The following WDPCP variants were observed in gnomAD, a reference collection of about 807,000 sequenced individuals.
WDPCP encodes WD repeat containing planar cell polarity effector, also known as WD repeat-containing and planar cell polarity effector protein fritz homolog.
WDPCP carries 71 observed loss-of-function variants against 93.1 expected under a neutral mutation model. The observed-to-expected ratio is 0.76, with a 90% CI of 0.63 to 0.93. The LOEUF is 0.93. Ranked by LOEUF, WDPCP falls within the 40% of genes least tolerant of loss-of-function variation. The pLI is 0.00. For missense variants in WDPCP, 844 were observed against 887.4 expected (o/e 0.95, Z 0.62); for synonymous variants, 315 against 315.0 (o/e 1.00, Z 0.00).
intron 10 of WDPCP, among the ~76,000 whole-genome samples, chr2:63,395,500 C>A (rs939546185): frequency 4.6e-5 from 7 of 152,132 alleles, no homozygotes; most frequent in African/African-American, 1.7e-4. Context: ...CTTTGTTTTA[C>A]AGCCATTTCA....
intron 13 of WDPCP, among the ~76,000 whole-genome samples, chr2:63,299,272 C>T (rs781069632): frequency 3.3e-5 from 5 of 152,180 alleles, no homozygotes; most frequent in Non-Finnish European, 5.9e-5. Flanking sequence ...ACAGCTCAGC[C>T]CATTGGCTAC....
chr2:63,678,998 T>C (rs1462729297), intron 2 of WDPCP, among the ~76,000 whole-genome samples: 2 of 152,208 alleles, frequency 1.3e-5, no homozygotes, highest in African/African-American at 4.8e-5. Flanking sequence ...CATTCTAGGA[T>C]TTATTTTTGA....
intron 1 of WDPCP, among the ~76,000 whole-genome samples, chr2:63,545,145 G>T (rs530280184): frequency 6.6e-6 from 1 of 152,080 alleles, no homozygotes; most frequent in Non-Finnish European, 1.5e-5. Context: ...GCAGCAGGGT[G>T]CCACGGCCAT....
At chr2:63,135,295 G>T (rs977134412) in intron 17 of WDPCP, among the ~76,000 whole-genome samples, 3 of 152,138 alleles carry the variant, frequency 2.0e-5, no homozygotes, top group Non-Finnish European at 2.9e-5. Context: ...ACATATTTTT[G>T]TTTTCACAAA....
intron 14 of WDPCP, among the ~76,000 whole-genome samples, chr2:63,244,547 C>A (rs1428973423): frequency 6.6e-6 from 1 of 151,960 alleles, no homozygotes; most frequent in African/African-American, 2.4e-5. Flanking sequence ...ACAACTGATC[C>A]CATAAAAATA....
At chr2:63,309,326 T>G (rs1685995319) in intron 13 of WDPCP, among the ~76,000 whole-genome samples, 1 of 152,164 alleles carries the variant, frequency 6.6e-6, no homozygotes, top group Non-Finnish European at 1.5e-5. Context: ...TAATTAACAT[T>G]TATGTACCTA....
At chr2:63,618,743 T>TGC (rs1255070709) in intron 3 of WDPCP, among the ~76,000 whole-genome samples, 1 of 149,664 alleles carries the variant, frequency 6.7e-6, no homozygotes, top group Non-Finnish European at 1.5e-5. Context: ...CAGGCTGGAG[T>TGC]GCAATGGCGC....
chr2:63,717,153 C>T (rs750824331), intron 2 of WDPCP: 2 of 397,628 alleles, frequency 5.0e-6, no homozygotes, highest in Non-Finnish European at 9.7e-6. Flanking sequence ...CCACCTGACT[C>T]TTGGAAATGA....
intron 17 of WDPCP, among the ~76,000 whole-genome samples, chr2:63,141,743 A>G (rs902902673): frequency 6.6e-6 from 1 of 152,240 alleles, no homozygotes; most frequent in African/African-American, 2.4e-5. Flanking sequence ...TCTCCTGTGA[A>G]TCCATCTGGC....
intron 12 of WDPCP, among the ~76,000 whole-genome samples, chr2:63,324,498 C>CAAG (rs2104215139): frequency 6.6e-6 from 1 of 152,278 alleles, no homozygotes; most frequent in East Asian, 1.9e-4. Flanking sequence ...TAAAGCAGAT[C>CAAG]AAGGCAGACC....
intron 2 of WDPCP, among the ~76,000 whole-genome samples, chr2:63,801,720 G>C (rs1463971013): frequency 1.3e-5 from 2 of 152,160 alleles, no homozygotes; most frequent in African/African-American, 4.8e-5. Flanking sequence ...GAAAGTTCCT[G>C]ATTGGTGCGT....
chr2:63,200,500 T>C (rs878868984), intron 14 of WDPCP, among the ~76,000 whole-genome samples: 1 of 152,200 alleles, frequency 6.6e-6, no homozygotes, highest in East Asian at 1.9e-4. Flanking sequence ...AATGGTATAC[T>C]ATTCAGCCAT....
At chr2:63,169,686 A>G (rs981055127) in intron 15 of WDPCP, among the ~76,000 whole-genome samples, 4 of 152,144 alleles carry the variant, frequency 2.6e-5, no homozygotes, top group Admixed American at 6.5e-5. Context: ...AAGGAATCCA[A>G]TTATACAAAC....
intron 13 of WDPCP, among the ~76,000 whole-genome samples, chr2:63,305,284 G>A (rs191753340): frequency 5.9e-5 from 9 of 152,238 alleles, no homozygotes; most frequent in South Asian, 2.1e-4. Flanking sequence ...CCTGACCCCC[G>A]TGACTCCTGA....
At chr2:63,449,479 C>G (rs575148156) in intron 6 of WDPCP, among the ~76,000 whole-genome samples, 64 of 148,970 alleles carry the variant, frequency 4.3e-4, no homozygotes, top group Non-Finnish European at 8.4e-4. Flanking sequence ...ATGGGAAACA[C>G]CTGAGGTACA....
chr2:63,200,975 T>G (rs939619926), intron 14 of WDPCP, among the ~76,000 whole-genome samples: 1 of 152,132 alleles, frequency 6.6e-6, no homozygotes, highest in Non-Finnish European at 1.5e-5. Flanking sequence ...AGGGGCTAAA[T>G]GATATGGTTT....
At chr2:63,820,246 T>C (rs1268479976) in intron 1 of WDPCP, among the ~76,000 whole-genome samples, 2 of 152,172 alleles carry the variant, frequency 1.3e-5, no homozygotes, top group Admixed American at 6.5e-5. Context: ...TTAGGAACAT[T>C]TTAATGTTTA....
At chr2:63,768,436 A>G (rs567336748) in intron 2 of WDPCP, among the ~76,000 whole-genome samples, 2 of 151,896 alleles carry the variant, frequency 1.3e-5, no homozygotes, top group South Asian at 4.1e-4. Context: ...AATCTGCTGA[A>G]ATTTTGATAG....
At chr2:63,233,302 T>TA (rs1318442778) in intron 14 of WDPCP, 1 of 257,632 alleles carries the variant, frequency 3.9e-6, no homozygotes, top group Non-Finnish European at 7.5e-6. Flanking sequence ...TGTATACTAT[T>TA]AAAAAATCAG....
Sources: allele counts gnomAD v4.1 joint callset (sites outside exome capture counted in the v4.1 genomes callset), GRCh38; gene constraint gnomAD v4.1.1; transcripts MANE v1.5; gene names NCBI Gene and HGNC (gene_info 2026-07-23, HGNC 2026-07-21).